Variants in TNRC6A observed in about 807,000 individuals in gnomAD.
The protein encoded by TNRC6A is trinucleotide repeat containing adaptor 6A.
A neutral mutation model predicts 221.2 loss-of-function variants in TNRC6A; 44 were observed. The ratio of observed to expected loss-of-function variants is 0.20; its 90% CI spans 0.16 to 0.26. The LOEUF (loss-of-function observed/expected upper bound fraction) is 0.26. Among genes scored for constraint, TNRC6A ranks in the 10% least tolerant of loss-of-function variants. The probability of loss-of-function intolerance (pLI) is 1.00; values close to 1 mark genes in which losing one functional copy is unlikely to be tolerated. For synonymous variants in TNRC6A, 847 were observed against 838.5 expected, an observed-to-expected ratio of 1.01 and a Z score of -0.18; for missense variants, 2,199 against 2,404.4, an observed-to-expected ratio of 0.91 and a Z score of 1.79.
intron 5 of TNRC6A, 143 bp downstream of exon 5, chr16:24,777,501 G>C: frequency 1.4e-6 from 1 of 729,536 alleles, no homozygotes; most frequent in Non-Finnish European, 2.2e-6. Context: ...AGGGAGTTAT[G>C]AATGGGGAAT....
Position 24,820,354 on chromosome 16 carries a change from A to G in TNRC6A, c.5296A>G (p.Thr1766Ala), listed in dbSNP as rs750980323. The G allele has an allele frequency of 2.5e-6, 4 of 1,613,932 alleles. No individual in the cohort carries two copies. Among genetic ancestry groups the G allele is most frequent in the African/African-American group, 2.7e-5 (2 of 74,900 alleles). Residue 1766 changes from threonine to alanine, a missense_variant, in exon 22 of 25, where the codon ACC becomes GCC. By Grantham distance (58) the Thr-to-Ala change is moderately conservative. This residue lies in a region of TNRC6A where 449 missense variants were observed against 579.7 expected (regional missense o/e 0.77). Transcript: ENST00000395799. The stretch of plus-strand genomic sequence containing the variant: ...ATGGGGAAATTCTGACGCCAGATAT[A>G]CCCCAGGTAAGATGCAGTCGTAAGG... The part of the protein sequence containing the change: ...GGWGNSDARY[T>A]PGSSWGESSS...
intron 2 of TNRC6A, among the ~76,000 whole-genome samples, chr16:24,685,909 G>T (rs1432401648): frequency 1.3e-5 from 2 of 152,218 alleles, no homozygotes; most frequent in Non-Finnish European, 2.9e-5. Context: ...GAAGGAGACA[G>T]AGGTCTTAGG....
At chr16:24,746,996 C>T (rs1385846174) in intron 2 of TNRC6A, among the ~76,000 whole-genome samples, 4 of 152,178 alleles carry the variant, frequency 2.6e-5, no homozygotes, top group African/African-American at 9.7e-5. Flanking sequence ...GAAACGCATT[C>T]TTGAACGGTA....
chr16:24,754,865 TAA>T (rs1219413777), intron 3 of TNRC6A, among the ~76,000 whole-genome samples: 1 of 152,238 alleles, frequency 6.6e-6, no homozygotes, highest in Non-Finnish European at 1.5e-5. Flanking sequence ...GTTACTGTGT[TAA>T]GAGCTGAAGG....
At chr16:24,764,997 T>C (rs1007096514) in intron 4 of TNRC6A, among the ~76,000 whole-genome samples, 16 of 152,214 alleles carry the variant, frequency 1.1e-4, no homozygotes, top group African/African-American at 2.9e-4. Flanking sequence ...CAAAATACTT[T>C]ATTGTACTGT....
At chr16:24,818,444 G>C (rs763283239) in intron 20 of TNRC6A, 149 bp from the exon 21 acceptor site, 8 of 655,264 alleles carry the variant, frequency 1.2e-5, no homozygotes, top group Non-Finnish European at 2.2e-5. Flanking sequence ...AGGCAAGAAG[G>C]AAGATGTCTC....
At position 24,615,548 on chromosome 16, in the gene TNRC6A, G is replaced by T. The variant is rs374068807; in HGVS notation, n.276+5064G>T. Among the ~76,000 whole-genome samples, 5 of 152,298 alleles carry T rather than the reference G, an allele frequency of 3.3e-5. No individual in the cohort carries two copies. The South Asian group carries it at 6.2e-4, about 19-fold the overall frequency. The stretch of plus-strand genomic sequence containing the variant: ...TCCATGCAGGAGGTGGAAAGAGGAG[G>T]GAAATCGGAGTGTGGGCTCATGAAG... On this transcript the variant is annotated intron_variant and non_coding_transcript_variant, in intron 1 of 2. Transcript: ENST00000566108.
At chr16:24,718,027 C>T (rs757355069) in intron 2 of TNRC6A, among the ~76,000 whole-genome samples, 1 of 152,146 alleles carries the variant, frequency 6.6e-6, no homozygotes, top group Non-Finnish European at 1.5e-5. Flanking sequence ...ATCCACCCAC[C>T]TCAGCCTCCC....
At chr16:24,759,420 A>G (rs556933681) in intron 4 of TNRC6A, among the ~76,000 whole-genome samples, 43 of 152,338 alleles carry the variant, frequency 2.8e-4, no homozygotes, top group African/African-American at 9.6e-4. Context: ...AAAGCTATCA[A>G]CTACTGTACA....
chr16:24,822,287 C>CT lies in TNRC6A; in HGVS notation c.5373+141dup, dbSNP rs2058781438. 12 of 761,518 alleles carry CT rather than the reference C, an allele frequency of 1.6e-5. No homozygotes were observed. The South Asian group carries it at 2.2e-4, about 14-fold the overall frequency. The allele number at this position is 761,518 out of a possible 1,614,324, so 47.2% of individuals were successfully genotyped here. On this transcript the variant is annotated intron_variant, in intron 23 of 24. Transcript: ENST00000395799. ...AACAGCAGAGGAGTGGTCTGTAGAC[C>CT]TCAGGCAGGCTGTGGTCGAATCTGG...
chr16:24,821,422 C>T (rs2058763693), intron 22 of TNRC6A, among the ~76,000 whole-genome samples: 1 of 151,782 alleles, frequency 6.6e-6, no homozygotes, highest in African/African-American at 2.4e-5. Context: ...CACAAAGGCT[C>T]CCGTTGGAGT....
At chr16:24,721,071 G>C (rs901285939) in intron 2 of TNRC6A, among the ~76,000 whole-genome samples, 2 of 152,072 alleles carry the variant, frequency 1.3e-5, no homozygotes, top group Admixed American at 6.6e-5. Flanking sequence ...TAAGGCTGCT[G>C]TATGGAGAAC....
chr16:24,818,516 T>G (rs1409374212), intron 20 of TNRC6A, 77 bp from the exon 21 acceptor site: 2 of 1,142,848 alleles, frequency 1.8e-6, no homozygotes, highest in South Asian at 1.3e-5. Context: ...TAGCTTTGAT[T>G]TCTCTGGAAG....
intron 4 of TNRC6A, among the ~76,000 whole-genome samples, chr16:24,761,908 G>C (rs531100417): frequency 6.6e-6 from 1 of 152,236 alleles, no homozygotes; most frequent in Non-Finnish European, 1.5e-5. Context: ...ATTTTTGACA[G>C]CTAATTTTCT....
chr16:24,785,874 G>A lies in TNRC6A; in HGVS notation c.590-3358G>A, dbSNP rs2057955555. 2.6e-5 allele frequency among the ~76,000 whole-genome samples: 4 copies of A among 152,114 alleles called. No homozygotes were observed. In the South Asian group the frequency reaches 8.3e-4, roughly 31 times the overall value. ...CCAGGAAAAGACAGTGACAAGGGCT[G>A]GACTGTCTTAGATTTGGAAAAAAGA... On this transcript the variant is annotated intron_variant, in intron 5 of 24. Coordinates refer to ENST00000395799, the MANE Select transcript of TNRC6A (RefSeq NM_014494.4).
chr16:24,617,074 A>G (rs1458719966), intron 1 of TNRC6A, among the ~76,000 whole-genome samples: 3 of 151,588 alleles, frequency 2.0e-5, no homozygotes, highest in African/African-American at 7.3e-5. Context: ...ATGTGCCAAA[A>G]TCTTTAACTG....
chr16:24,724,980 G>C (rs566459257), upstream of TNRC6A, among the ~76,000 whole-genome samples: 4 of 152,198 alleles, frequency 2.6e-5, no homozygotes, highest in East Asian at 7.7e-4. Flanking sequence ...TTCTCAGTAA[G>C]AGAAGGAGGA....
rs2057458709 is a variant in TNRC6A at position 24,765,737 on chromosome 16, T to A, written c.163+7377T>A. 2.6e-5 allele frequency among the ~76,000 whole-genome samples: 4 copies of A among 152,162 alleles called. No homozygotes were observed. In the South Asian group the frequency reaches 8.3e-4, roughly 32 times the overall value. The stretch of plus-strand genomic sequence containing the variant: ...CTGCACTAACAGAATGAAAAAAAAA[T>A]GGCCTTCCACTTTCATGGGAAATAG... On this transcript the variant is annotated intron_variant, in intron 4 of 24. Coordinates refer to ENST00000395799, the MANE Select transcript of TNRC6A (RefSeq NM_014494.4).
chr16:24,729,641 T>G (rs1381614196), upstream of TNRC6A: 3 of 499,014 alleles, frequency 6.0e-6, no homozygotes, highest in Non-Finnish European at 9.5e-6. Flanking sequence ...GGTTGCCGAG[T>G]GGGGCATTCA....
Sources: gnomAD v4.1 joint callset for allele counts (sites outside exome capture counted in the v4.1 genomes callset) on GRCh38, gnomAD v4.1.1 for gene constraint, gnomAD v4.1.1 regional missense constraint, MANE v1.5 for transcripts, NCBI Gene and HGNC (gene_info 2026-07-23, HGNC 2026-07-21) for gene names.